RERE: variants seen among roughly 807,000 people sequenced by gnomAD.
RERE encodes arginine-glutamic acid dipeptide repeats.
RERE carries 40 observed loss-of-function variants against 146.1 expected under a neutral mutation model. The observed-to-expected ratio is 0.27, with a 90% CI of 0.21 to 0.36. The LOEUF (loss-of-function observed/expected upper bound fraction) is 0.36. RERE is among the 10% of genes least tolerant of loss of function. The pLI, the probability that RERE is intolerant of heterozygous loss-of-function variation, is 1.00. For missense variants in RERE, 1,933 were observed against 2,138.7 expected (o/e 0.90, Z 1.90); for synonymous variants, 1,003 against 866.0 (o/e 1.16, Z -2.78).
At chr1:8,564,341 A>C (rs562491603) in intron 4 of RERE, among the ~76,000 whole-genome samples, 1 of 152,348 alleles carries the variant, frequency 6.6e-6, no homozygotes, top group Non-Finnish European at 1.5e-5. Flanking sequence ...ATGGGACCCA[A>C]GTCTAAACAC....
At position 8,721,053 on chromosome 1, in the gene RERE, CA is replaced by C. The variant is rs539149834; in HGVS notation, c.-144-64613del. Among the ~76,000 whole-genome samples the C allele has an allele frequency of 4.7e-5, 7 of 148,272 alleles. No homozygotes were observed. In the East Asian group the frequency reaches 9.8e-4, roughly 21 times the overall value. On this transcript the variant is annotated intron_variant, in intron 1 of 22. Coordinates refer to ENST00000400908, the MANE Select transcript of RERE (RefSeq NM_001042681.2). ...TGGGTGACAGAGCGAGACTCTATCT[CA>C]AAAAAAAAAGTTGTTTTAGTATTTC...
intron 1 of RERE, among the ~76,000 whole-genome samples, chr1:8,761,511 T>A (rs899203193): frequency 1.3e-5 from 2 of 152,146 alleles, no homozygotes; most frequent in East Asian, 3.8e-4. Context: ...GCTTCACACC[T>A]CCCCCACATG....
intron 4 of RERE, among the ~76,000 whole-genome samples, chr1:8,603,273 T>C (rs1473968845): frequency 6.6e-6 from 1 of 152,290 alleles, no homozygotes; most frequent in Non-Finnish European, 1.5e-5. Context: ...ATGGCCTCAA[T>C]GTGCCAAGGG....
Position 8,423,801 on chromosome 1 carries a change from G to T in RERE, c.1204-994C>A. On this transcript the variant is annotated intron_variant, in intron 11 of 22. Transcript: ENST00000400908. This position sits in a 1 kb window ranked among gnomAD's most constrained non-coding sequence, Gnocchi z 5.4. ...AGGAGGCAGGAGCGCGGCGCGCAGA[G>T]CCCGGCGCGGCCGCGGGCGGCTGCA... 2 of 618,874 alleles carry T rather than the reference G, an allele frequency of 3.2e-6. No individual in the cohort carries two copies. The highest frequency in any genetic ancestry group is 4.0e-6 in the Non-Finnish European group (2 of 497,998). 38.3% of individuals were successfully genotyped at this position (618,874 alleles called of 1,614,324 possible). A position where few individuals can be genotyped will look rare whatever the true frequency, so the allele number is the denominator to read the frequency against.
intron 3 of RERE, among the ~76,000 whole-genome samples, chr1:8,617,198 G>C (rs903465460): frequency 6.6e-6 from 1 of 151,946 alleles, no homozygotes; most frequent in African/African-American, 2.4e-5. Flanking sequence ...CAAAAACATA[G>C]CCGGGGGTGG....
At chr1:8,742,024 T>C (rs999131664) in intron 1 of RERE, among the ~76,000 whole-genome samples, 3 of 152,200 alleles carry the variant, frequency 2.0e-5, no homozygotes, top group South Asian at 2.1e-4. Flanking sequence ...TTTCAGTATA[T>C]TGTATGCAGA....
chr1:8,605,471 G>A (rs940390571), intron 4 of RERE, among the ~76,000 whole-genome samples: 2 of 152,004 alleles, frequency 1.3e-5, no homozygotes, highest in Non-Finnish European at 2.9e-5. Flanking sequence ...GGACGGGTGC[G>A]GTGGCTCACC....
chr1:8,808,160 A>C (rs1557555470), intron 1 of RERE, among the ~76,000 whole-genome samples: 3 of 151,198 alleles, frequency 2.0e-5, no homozygotes, highest in Non-Finnish European at 4.4e-5. Context: ...AAAAAAAAAA[A>C]AAAAAAAAAA....
chr1:8,355,229 G>A (rs545020052), intron 22 of RERE, 109 bp from the exon 23 acceptor site: 4 of 1,264,190 alleles, frequency 3.2e-6, no homozygotes, highest in Admixed American at 1.8e-5. Context: ...CCCCAAGCCC[G>A]CAGCCTCCTG....
At chr1:8,404,466 C>G (rs906303284) in intron 12 of RERE, among the ~76,000 whole-genome samples, 1 of 152,150 alleles carries the variant, frequency 6.6e-6, no homozygotes, top group Middle Eastern at 3.4e-3. Flanking sequence ...TCACTATGTT[C>G]AGACTGGTCT....
chr1:8,355,130 C>G lies in RERE; in HGVS notation c.4668-10G>C, dbSNP rs372650581. 9.9e-6 allele frequency: 16 copies of G among 1,613,790 alleles called. No homozygotes were observed. The highest frequency in any genetic ancestry group is 1.4e-5 in the Non-Finnish European group (16 of 1,179,810). ...TTCTTTCTTCAGTCGACTGGAAAGA[C>G]AAAACAGGAAAGCGTATTTAGTCTC... On this transcript the variant is annotated splice_polypyrimidine_tract_variant and intron_variant, in intron 22 of 22. Coordinates refer to ENST00000400908, the MANE Select transcript of RERE (RefSeq NM_001042681.2).
chr1:8,717,920 GA>G (rs1639793550), intron 1 of RERE, among the ~76,000 whole-genome samples: 1 of 152,182 alleles, frequency 6.6e-6, no homozygotes, highest in East Asian at 1.9e-4. Context: ...TAAGTAGGGG[GA>G]AAGGGCTTGG....
At chr1:8,758,066 G>T (rs1056968363) in intron 1 of RERE, among the ~76,000 whole-genome samples, 1 of 151,932 alleles carries the variant, frequency 6.6e-6, no homozygotes, top group Non-Finnish European at 1.5e-5. Flanking sequence ...CCACGTATAT[G>T]CAGAATCCTA....
At chr1:8,636,251 G>T (rs1450204483) in intron 2 of RERE, among the ~76,000 whole-genome samples, 1 of 152,194 alleles carries the variant, frequency 6.6e-6, no homozygotes, top group East Asian at 1.9e-4. Context: ...GCCTCCCAAA[G>T]TGCTGGGATT....
intron 1 of RERE, among the ~76,000 whole-genome samples, chr1:8,710,180 G>A (rs192673061): frequency 1.3e-5 from 2 of 152,310 alleles, no homozygotes; most frequent in African/African-American, 4.8e-5. Context: ...ATATGCAAAT[G>A]CCCTATGGGT....
intron 1 of RERE, among the ~76,000 whole-genome samples, chr1:8,694,978 G>GC (rs1553135244): frequency 1.1e-5 from 1 of 94,648 alleles, no homozygotes; most frequent in African/African-American, 3.1e-5. Context: ...TCCTAAGGGG[G>GC]GGGGGGGAAT....
rs116358228 is a variant in RERE, at chr1:8,573,558, T to C, written c.523-16035A>G. Among the ~76,000 whole-genome samples, 771 of 152,300 alleles carry C rather than the reference T, an allele frequency of 5.1e-3. 4 individuals carry two copies. The highest frequency in any genetic ancestry group is 0.027 in the East Asian group (139 of 5,186). ...ATACATTTTCCTGATAGTAGACATT[T>C]GGGTCATTTCCAGTTTTCCACCATT... On this transcript the variant is annotated intron_variant, in intron 4 of 22. Coordinates refer to ENST00000400908, the MANE Select transcript of RERE (RefSeq NM_001042681.2).
chr1:8,784,296 T>C (rs1404003215), intron 1 of RERE, among the ~76,000 whole-genome samples: 1 of 152,170 alleles, frequency 6.6e-6, no homozygotes, highest in Non-Finnish European at 1.5e-5. Flanking sequence ...CCTATTTAAA[T>C]TGCAACCACC....
Position 8,361,496 on chromosome 1 carries a change from G to T in RERE, c.2017-6C>A, listed in dbSNP as rs1425445086. The T allele has an allele frequency of 6.2e-7, 1 of 1,608,760 alleles. No individual in the cohort carries two copies. The highest frequency in any genetic ancestry group is 8.5e-7 in the Non-Finnish European group (1 of 1,179,964). ...GAGTTGGGCCTGCTGATCTCCTGGA[G>T]TCAGAGAAGGGAAGGATGGAAGTCC... On this transcript the variant is annotated splice_polypyrimidine_tract_variant and splice_region_variant and intron_variant, in intron 17 of 22. Transcript: ENST00000400908.
Sources: gnomAD v4.1 joint callset for allele counts (sites outside exome capture counted in the v4.1 genomes callset) on GRCh38, gnomAD v4.1.1 for gene constraint, Gnocchi (gnomAD v3.1) non-coding constraint, MANE v1.5 for transcripts, NCBI Gene and HGNC (gene_info 2026-07-23, HGNC 2026-07-21) for gene names.